The following MAGED1 variants were observed in gnomAD, a reference collection of about 807,000 sequenced individuals.
The protein encoded by MAGED1 is MAGE family member D1.
A neutral mutation model predicts 54.1 loss-of-function variants in MAGED1; 3 were observed. The observed-to-expected ratio is 0.06, with a 90% CI of 0.03 to 0.14. MAGED1 has a LOEUF of 0.14. MAGED1 is among the 10% of genes least tolerant of loss of function. MAGED1 has a pLI of 1.00. For synonymous variants in MAGED1, 217 were observed against 227.3 expected, an observed-to-expected ratio of 0.95 and a Z score of 0.41; for missense variants, 485 against 623.4, an observed-to-expected ratio of 0.78 and a Z score of 2.36.
At chrX:51,887,542 G>C (rs1928284320) in intron 1 of MAGED1, among the ~76,000 whole-genome samples, 1 of 110,913 alleles carries the variant, frequency 9.0e-6, no homozygotes, top group African/African-American at 3.3e-5. Context: ...AAATATGCCA[G>C]CTGATTTTCG....
chrX:51,834,260 G>T (rs1557357727), intron 1 of MAGED1, among the ~76,000 whole-genome samples: 1 of 111,540 alleles, frequency 9.0e-6, no homozygotes, highest in Non-Finnish European at 1.9e-5. Context: ...CCAAGATGCT[G>T]CATTCCTTAC....
chrX:51,891,170 AAAC>A (rs1286525276), upstream of MAGED1, among the ~76,000 whole-genome samples: 2 of 112,789 alleles, frequency 1.8e-5, no homozygotes, highest in Non-Finnish European at 3.7e-5. Context: ...TAAAAATAAA[AAAC>A]AACTTTTGAG....
Position 51,895,276 on chromosome X carries a change from G to T in MAGED1, c.269G>T (p.Gly90Val), listed in dbSNP as rs1381332385. The T allele has an allele frequency of 8.3e-7, 1 of 1,211,268 alleles. No homozygotes were observed. Among genetic ancestry groups the T allele is most frequent in the Non-Finnish European group, 1.1e-6 (1 of 895,254 alleles). ...AATGCCACCACAAAAGGCCCAAATG[G>T]TGTCTATGATTTCTCTCAGGCTCAT... is the stretch of plus-strand genomic sequence containing the variant. ...VQNATTKGPN[G>V]VYDFSQAHNA... Residue 90 changes from glycine (G) to valine (V), a missense_variant, in exon 3 of 13, where the codon GGT (glycine) becomes GTT (valine). By Grantham distance (109) the Gly-to-Val change is moderately radical. Around this residue, in one of 2 missense-constraint regions of MAGED1, gnomAD observed 299 missense variants for 293.1 expected, o/e 1.02. Coordinates refer to ENST00000326587, the MANE Select transcript of MAGED1 (RefSeq NM_006986.4).
At chrX:51,869,545 AT>A (rs1240511589) in intron 1 of MAGED1, among the ~76,000 whole-genome samples, 3 of 109,945 alleles carry the variant, frequency 2.7e-5, no homozygotes, top group Non-Finnish European at 3.8e-5. Context: ...CATTTTTATG[AT>A]TTTTTTTCAT....
chrX:51,816,869 G>T (rs1042711692), intron 1 of MAGED1, among the ~76,000 whole-genome samples: 19 of 111,938 alleles, frequency 1.7e-4, no homozygotes, highest in Non-Finnish European at 3.4e-4. Flanking sequence ...GCTGATTGGT[G>T]TTGAAATGCA....
At chrX:51,869,931 G>C (rs1238442883) in intron 1 of MAGED1, among the ~76,000 whole-genome samples, 2 of 111,273 alleles carry the variant, frequency 1.8e-5, no homozygotes, top group Non-Finnish European at 3.8e-5. Flanking sequence ...GGGTGCAGTG[G>C]TGCTATCATA....
At chrX:51,894,732 C>T in intron 2 of MAGED1, 4 of 1,160,261 alleles carry the variant, frequency 3.4e-6, no homozygotes, top group Non-Finnish European at 4.6e-6. Flanking sequence ...TTATTCTCAA[C>T]TCCGCGATCC....
At chrX:51,814,285 T>TGCTACCGCCGCCGCCGCTGCC (rs1379336909) in intron 1 of MAGED1, among the ~76,000 whole-genome samples, 1 of 111,577 alleles carries the variant, frequency 9.0e-6, no homozygotes, top group South Asian at 3.8e-4. Flanking sequence ...CTGCCGCTGC[T>TGCTACCGCCGCCGCCGCTGCC]GCTACCGCCG....
At chrX:51,829,954 C>T (rs1557357269) in intron 1 of MAGED1, among the ~76,000 whole-genome samples, 1 of 111,071 alleles carries the variant, frequency 9.0e-6, no homozygotes, top group East Asian at 2.8e-4. Flanking sequence ...TGCAACATTT[C>T]CAATTCTAGG....
At chrX:51,859,416 A>G (rs1306365113) in intron 1 of MAGED1, among the ~76,000 whole-genome samples, 3 of 111,242 alleles carry the variant, frequency 2.7e-5, no homozygotes, top group African/African-American at 6.5e-5. Flanking sequence ...ATTGTAAAAT[A>G]ATACCTCTTC....
intron 1 of MAGED1, among the ~76,000 whole-genome samples, chrX:51,809,375 G>C (rs1229894513): frequency 9.0e-6 from 1 of 111,572 alleles, no homozygotes; most frequent in Non-Finnish European, 1.9e-5. Context: ...CTGCCTCCCA[G>C]AGTGCTGGGA....
In MAGED1 at chrX:51,898,094, T is replaced by G; in HGVS notation, c.1659-20T>G. 1.7e-6 allele frequency: 2 copies of G among 1,188,768 alleles called. No homozygotes were observed. The highest frequency in any genetic ancestry group is 4.4e-5 in the Admixed American group (2 of 45,773). On this transcript the variant is annotated intron_variant, in intron 7 of 12. Transcript: ENST00000326587. ...CATGCAAATGGCTACTGAAAATATATTCTTTCTATATTCCCTTAGGACCAA... is the reference window on the plus strand; with the variant it reads ...CATGCAAATGGCTACTGAAAATATAGTCTTTCTATATTCCCTTAGGACCAA...
chrX:51,842,841 A>G (rs781968106), intron 1 of MAGED1, among the ~76,000 whole-genome samples: 8 of 107,239 alleles, frequency 7.5e-5, no homozygotes, highest in African/African-American at 2.0e-4. Context: ...GCGCACCACC[A>G]TGGCTGGCTA....
intron 1 of MAGED1, among the ~76,000 whole-genome samples, chrX:51,861,520 T>C (rs1192186720): frequency 1.8e-5 from 2 of 112,015 alleles, no homozygotes; most frequent in African/African-American, 6.5e-5. Flanking sequence ...CCTTCTCTAT[T>C]CTTTTAGTAT....
intron 1 of MAGED1, among the ~76,000 whole-genome samples, chrX:51,838,458 T>C (rs181880232): frequency 1.8e-5 from 2 of 112,577 alleles, no homozygotes; most frequent in East Asian, 5.6e-4. Flanking sequence ...TTTTCTTTCC[T>C]ATTGGCAGAT....
chrX:51,844,108 T>C (rs141410875), intron 1 of MAGED1, among the ~76,000 whole-genome samples: 1,316 of 111,703 alleles, frequency 0.012, 22 homozygotes, highest in African/African-American at 0.04. Flanking sequence ...ATAAGGAACA[T>C]TTTATTGCTC....
chrX:51,811,652 GA>G (rs1162345329), intron 1 of MAGED1, among the ~76,000 whole-genome samples: 1 of 111,627 alleles, frequency 9.0e-6, no homozygotes, highest in Non-Finnish European at 1.9e-5. Flanking sequence ...GGAGAGCAGT[GA>G]AACAGTAGAT....
intron 1 of MAGED1, among the ~76,000 whole-genome samples, chrX:51,853,971 G>A (rs914042815): frequency 5.4e-4 from 60 of 111,813 alleles, no homozygotes; most frequent in African/African-American, 1.8e-3. Context: ...GGTAATATTG[G>A]GCTTTGAACC....
At chrX:51,830,553 AG>A (rs1180334338) in intron 1 of MAGED1, among the ~76,000 whole-genome samples, 1 of 109,692 alleles carries the variant, frequency 9.1e-6, no homozygotes, top group African/African-American at 3.3e-5. Context: ...ATGAGGAAAG[AG>A]GAAAAAAAAA....
Sources: gnomAD v4.1 joint callset for allele counts (sites outside exome capture counted in the v4.1 genomes callset) on GRCh38, gnomAD v4.1.1 for gene constraint, gnomAD v4.1.1 regional missense constraint, MANE v1.5 for transcripts, NCBI Gene and HGNC (gene_info 2026-07-23, HGNC 2026-07-21) for gene names.